Variants in ALPK2 observed in about 807,000 individuals in gnomAD.
The protein encoded by ALPK2 is alpha kinase 2.
ALPK2 carries 127 observed loss-of-function variants against 163.1 expected under a neutral mutation model. The observed-to-expected ratio is 0.78, with a 90% CI of 0.67 to 0.90. The LOEUF is 0.90. Ranked by LOEUF, ALPK2 falls within the 40% of genes least tolerant of loss-of-function variation. The pLI is 0.00. For missense variants in ALPK2, 2,360 were observed against 2,589.6 expected (o/e 0.91, Z 1.92); for synonymous variants, 953 against 959.1 (o/e 0.99, Z 0.12).
At chr18:58,518,333 C>A (rs1254624937) in intron 8 of ALPK2, among the ~76,000 whole-genome samples, 1 of 152,064 alleles carries the variant, frequency 6.6e-6, no homozygotes, top group Non-Finnish European at 1.5e-5. Flanking sequence ...AAGGTCTCGG[C>A]CTAATTACTG....
At chr18:58,548,919 T>G (rs1015061838) in intron 4 of ALPK2, among the ~76,000 whole-genome samples, 2 of 152,212 alleles carry the variant, frequency 1.3e-5, no homozygotes, top group African/African-American at 4.8e-5. Context: ...CTCTTCAGTC[T>G]GGTTCTCTTC....
At chr18:58,571,181 C>T (rs2051883971) in intron 4 of ALPK2, among the ~76,000 whole-genome samples, 1 of 151,986 alleles carries the variant, frequency 6.6e-6, no homozygotes, top group Admixed American at 6.6e-5. Context: ...GCCACCATGC[C>T]TGGCTAATTT....
In ALPK2 at chr18:58,535,348, A is replaced by C; in HGVS notation, c.4839T>G (p.Ser1613=). Residue 1613 remains serine, a synonymous_variant, in exon 5 of 13, where the codon TCT becomes TCG. Coordinates refer to ENST00000361673, the MANE Select transcript of ALPK2 (RefSeq NM_052947.4). Reference sequence around the variant, plus strand: ...AAAAGTCTGTGACATTTCCTTCAGGAGATGAAGTACAAGGGAACCTGGTAA... The same window carrying C: ...AAAAGTCTGTGACATTTCCTTCAGGCGATGAAGTACAAGGGAACCTGGTAA... ...PDLTRFPCTS[S]PEGNVTDFLI... 3 of 1,614,170 alleles carry C rather than the reference A, an allele frequency of 1.9e-6. No homozygotes were observed. In the Admixed American group the frequency reaches 5.0e-5, roughly 27 times the overall value.
chr18:58,628,911 A>G lies in ALPK2; in HGVS notation c.-168T>C, dbSNP rs934496483. ...ATAGGGCTCAGGGTCTTCCATGATC[A>G]GGTCAAAGCATAGATGGGTCTGCTT... On this transcript the variant is annotated 5_prime_UTR_variant, in exon 1 of 13. It removes the in-frame stop codon of an upstream open reading frame in the 5' UTR. Coordinates refer to ENST00000361673, the MANE Select transcript of ALPK2 (RefSeq NM_052947.4). 22 of 152,236 alleles carry G rather than the reference A, an allele frequency of 1.4e-4. No homozygotes were observed. Among genetic ancestry groups the G allele is most frequent in the Admixed American group, 3.3e-4 (5 of 15,288 alleles). 9.4% of individuals were successfully genotyped at this position (152,236 alleles called of 1,614,324 possible).
At position 58,578,652 on chromosome 18, in the gene ALPK2, C is replaced by A. The variant is rs1267734121; in HGVS notation, c.1962+162G>T. 3 of 670,668 alleles carry A rather than the reference C, an allele frequency of 4.5e-6. No individual in the cohort carries two copies. The East Asian group carries it at 8.6e-5, about 19-fold the overall frequency. 41.5% of individuals were successfully genotyped at this position (670,668 alleles called of 1,614,324 possible). A position where few individuals can be genotyped will look rare whatever the true frequency, so the allele number is the denominator to read the frequency against. ...CTTCCGAGCAGCAGCAGCTGTCATG[C>A]ACAAGTACCCTGATGGTGTTGGGAA... On this transcript the variant is annotated intron_variant, in intron 4 of 12. Coordinates refer to ENST00000361673, the MANE Select transcript of ALPK2 (RefSeq NM_052947.4).
rs148799992 is a variant in ALPK2 at position 58,497,777 on chromosome 18, T to G, written c.6296+272A>C. ...GCATCCAAGTAATGCCAGCATTTTCTCCCCGTGGTACTCCTATTGGTTATT... is the reference window on the plus strand; with the variant it reads ...GCATCCAAGTAATGCCAGCATTTTCGCCCCGTGGTACTCCTATTGGTTATT... On this transcript the variant is annotated intron_variant, in intron 12 of 12. Coordinates refer to ENST00000361673, the MANE Select transcript of ALPK2 (RefSeq NM_052947.4). Among the ~76,000 whole-genome samples, 29 of 152,348 alleles carry G rather than the reference T, an allele frequency of 1.9e-4. No homozygotes were observed. The East Asian group carries it at 5.2e-3, about 27-fold the overall frequency.
chr18:58,599,260 G>A (rs538707720), intron 3 of ALPK2, among the ~76,000 whole-genome samples: 4 of 152,264 alleles, frequency 2.6e-5, no homozygotes, highest in Admixed American at 6.5e-5. Context: ...AGGACTAACC[G>A]GGAGTTCCTT....
At chr18:58,485,211 AC>A (rs1336801264) in intron 12 of ALPK2, among the ~76,000 whole-genome samples, 2 of 152,216 alleles carry the variant, frequency 1.3e-5, no homozygotes, top group African/African-American at 4.8e-5. Flanking sequence ...CCAAAGGCAA[AC>A]TGGCAAAAAG....
chr18:58,578,733 G>GACACACACACGCGCGCGCGC (rs777103869), intron 4 of ALPK2, 81 bp downstream of exon 4: 40 of 533,240 alleles, frequency 7.5e-5, no homozygotes, highest in Non-Finnish European at 9.8e-5. Flanking sequence ...TAAAGGAAGA[G>GACACACACACGCGCGCGCGC]ACACACACAC....
chr18:58,552,481 A>G (rs1008609849), intron 4 of ALPK2, among the ~76,000 whole-genome samples: 5 of 152,246 alleles, frequency 3.3e-5, no homozygotes, highest in Non-Finnish European at 5.9e-5. Context: ...TTGCTACAGT[A>G]GAAATAATCT....
At chr18:58,504,439 TATCCATTC>T (rs1602189866) in intron 10 of ALPK2, among the ~76,000 whole-genome samples, 2 of 152,234 alleles carry the variant, frequency 1.3e-5, no homozygotes, top group South Asian at 2.1e-4. Flanking sequence ...ATAATCTGTA[TATCCATTC>T]ATCCATTCAT....
chr18:58,523,127 T>C (rs979400045), intron 8 of ALPK2, among the ~76,000 whole-genome samples: 5 of 137,988 alleles, frequency 3.6e-5, no homozygotes, highest in Non-Finnish European at 7.7e-5. Context: ...TGTGTTCTCA[T>C]TGTTCAATTC....
At chr18:58,610,275 CAAAAA>C (rs74183283) in intron 2 of ALPK2, among the ~76,000 whole-genome samples, 20 of 61,906 alleles carry the variant, frequency 3.2e-4, no homozygotes, top group African/African-American at 1.1e-3. Flanking sequence ...GACCCTGTCT[CAAAAA>C]AAAAAAAAAA....
intron 3 of ALPK2, among the ~76,000 whole-genome samples, chr18:58,582,299 A>G (rs1274977412): frequency 6.6e-6 from 1 of 152,238 alleles, no homozygotes; most frequent in East Asian, 1.9e-4. Context: ...AGACAAAGAT[A>G]TCTCTGGTGC....
chr18:58,507,538 T>C (rs924801196), intron 10 of ALPK2, among the ~76,000 whole-genome samples: 6 of 152,190 alleles, frequency 3.9e-5, no homozygotes, highest in African/African-American at 1.2e-4. Flanking sequence ...ACCTGGTCAC[T>C]TCTCTCTTGA....
intron 8 of ALPK2, among the ~76,000 whole-genome samples, chr18:58,521,625 CTCTTTT>C (rs1320119002): frequency 2.0e-5 from 1 of 50,560 alleles, no homozygotes; most frequent in Non-Finnish European, 4.0e-5. Flanking sequence ...CTTTCTCTCT[CTCTTTT>C]TTTTTTTTTT....
At chr18:58,604,175 C>T (rs2052086162) in intron 3 of ALPK2, among the ~76,000 whole-genome samples, 2 of 152,052 alleles carry the variant, frequency 1.3e-5, no homozygotes, top group Admixed American at 1.3e-4. Flanking sequence ...CAGGAGCTTT[C>T]GAATATCTAA....
chr18:58,548,833 T>C (rs2051734106), intron 4 of ALPK2, among the ~76,000 whole-genome samples: 2 of 152,184 alleles, frequency 1.3e-5, no homozygotes, highest in South Asian at 4.1e-4. Flanking sequence ...TCAGAAATTA[T>C]GTCAAATGAG....
chr18:58,574,438 C>CA (rs34107333), intron 4 of ALPK2, among the ~76,000 whole-genome samples: 7,609 of 48,828 alleles, frequency 0.16, 677 homozygotes, highest in African/African-American at 0.19. Context: ...GACTCCATCT[C>CA]AAAAAAAAAA....
Sources: allele counts gnomAD v4.1 joint callset (sites outside exome capture counted in the v4.1 genomes callset), GRCh38; gene constraint gnomAD v4.1.1; transcripts MANE v1.5; gene names NCBI Gene and HGNC (gene_info 2026-07-23, HGNC 2026-07-21).